Variants in MAPKBP1 observed in about 807,000 individuals in gnomAD.
MAPKBP1 encodes the protein mitogen-activated protein kinase-binding protein 1.
MAPKBP1 carries 71 observed loss-of-function variants against 170.5 expected under a neutral mutation model. That is an observed-to-expected ratio of 0.42 (90% confidence interval 0.34 to 0.51). The LOEUF is 0.51. Ranked by LOEUF, MAPKBP1 falls within the 20% of genes least tolerant of loss-of-function variation. The pLI is 0.06. For synonymous variants in MAPKBP1, 719 were observed against 757.9 expected (o/e 0.95, Z 0.84); for missense variants, 1,598 against 1,933.0 (o/e 0.83, Z 3.25).
rs148633878 is a variant in MAPKBP1, at chr15:41,775,297, A to G, written c.22A>G (p.Ile8Val). 6.8e-6 allele frequency: 11 copies of G among 1,613,994 alleles called. No individual in the cohort carries two copies. The highest frequency in any genetic ancestry group is 2.2e-5 in the East Asian group (1 of 44,888). MAVEGST[I>V]TSRIKNLLRS... The stretch of plus-strand genomic sequence containing the variant: ...CATAATGGCTGTGGAAGGGTCAACC[A>G]TTACCAGCCGGATCAAGAATCTGTT... Residue 8 changes from isoleucine to valine, a missense_variant, in exon 2 of 31, where the codon ATT (isoleucine) becomes GTT (valine). Around this residue, in one of 6 missense-constraint regions of MAPKBP1, gnomAD observed 151 missense variants for 191.4 expected, o/e 0.79. Transcript: ENST00000457542.
Position 41,827,698 on chromosome 15 carries a change from C to T in MAPKBP1, c.*2262C>T, listed in dbSNP as rs1402995510. 3 of 156,788 alleles carry T rather than the reference C, an allele frequency of 1.9e-5. No homozygotes were observed. Among genetic ancestry groups the T allele is most frequent in the Non-Finnish European group, 4.2e-5 (3 of 71,068 alleles). 9.7% of individuals were successfully genotyped at this position (156,788 alleles called of 1,614,324 possible). On this transcript the variant is annotated 3_prime_UTR_variant, in exon 31 of 31. Transcript: ENST00000457542. ...CGCCGCCCCACTCCAGATTTGCCCC[C>T]GCCTTGTTTTGAAAGCCCCTTATTT...
chr15:41,816,346 GT>G (rs1221480831), intron 12 of MAPKBP1: 1 of 555,298 alleles, frequency 1.8e-6, no homozygotes, highest in African/African-American at 1.9e-5. Context: ...AAATTTCCTA[GT>G]TTTGATAATT....
chr15:41,808,327 G>A (rs375657855), intron 3 of MAPKBP1, among the ~76,000 whole-genome samples: 27 of 151,198 alleles, frequency 1.8e-4, no homozygotes, highest in East Asian at 1.6e-3. Context: ...GGATGGTCTC[G>A]ATCTCCTGAC....
rs570449554 is a variant in MAPKBP1 at position 41,814,382 on chromosome 15, G to A, written c.981-168G>A. Reference sequence around the variant, plus strand: ...ACCATGGCCCAGCAGCTAGTGCTGGGTCAGGTTCCTGCTGATGGCTAGTAG... The same window carrying A: ...ACCATGGCCCAGCAGCTAGTGCTGGATCAGGTTCCTGCTGATGGCTAGTAG... On this transcript the variant is annotated intron_variant, in intron 9 of 30. Coordinates refer to ENST00000457542, the MANE Select transcript of MAPKBP1 (RefSeq NM_014994.3). 1.5e-3 allele frequency among the ~76,000 whole-genome samples: 221 copies of A among 152,330 alleles called. 2 individuals carry two copies. The highest frequency in any genetic ancestry group is 2.0e-3 in the Non-Finnish European group (138 of 68,040).
Position 41,822,031 on chromosome 15 carries a change from A to G in MAPKBP1, c.2952A>G (p.Ser984=). 6.2e-7 allele frequency: 1 copy of G among 1,609,554 alleles called. No homozygotes were observed. The highest frequency in any genetic ancestry group is 8.5e-7 in the Non-Finnish European group (1 of 1,177,882). The stretch of plus-strand genomic sequence containing the variant: ...GAGTGTACCCAGGCAGCAGGAGCTC[A>G]GAAAAGCACAGCCCTGACAGTGCCT... ...LGRVYPGSRS[S]EKHSPDSACS... Residue 984 remains serine (S), a synonymous_variant, in exon 25 of 31, where the codon TCA becomes TCG. Transcript: ENST00000457542.
chr15:41,774,921 G>C, intron 1 of MAPKBP1: 1 of 463,460 alleles, frequency 2.2e-6, no homozygotes, highest in Non-Finnish European at 3.8e-6. Flanking sequence ...GAGACCAACT[G>C]GGGCCCATCC....
chr15:41,774,790 GC>G (rs1227765327), intron 1 of MAPKBP1, 180 bp downstream of exon 1: 3 of 399,322 alleles, frequency 7.5e-6, no homozygotes, highest in African/African-American at 6.2e-5. Context: ...CCGCGTCCCC[GC>G]CGGCGCTAGC....
At position 41,825,540 on chromosome 15, in the gene MAPKBP1, G is replaced by A; in HGVS notation, c.*104G>A. ...CGGGGCTGCTTGGAGTGGAAAGCAG[G>A]GAGCAGTGTTCAGAGGCAAAGCAGC... is the stretch of plus-strand genomic sequence containing the variant. On this transcript the variant is annotated 3_prime_UTR_variant, in exon 31 of 31. Coordinates refer to ENST00000457542, the MANE Select transcript of MAPKBP1 (RefSeq NM_014994.3). The A allele has an allele frequency of 1.9e-6, 2 of 1,068,628 alleles. No homozygotes were observed. The highest frequency in any genetic ancestry group is 1.6e-5 in the South Asian group (1 of 60,836). The allele number at this position is 1,068,628 out of a possible 1,614,324, so 66.2% of individuals were successfully genotyped here.
At position 41,822,934 on chromosome 15, in the gene MAPKBP1, T is replaced by G. The variant is rs1268900884; in HGVS notation, c.3315-5T>G. 1.3e-6 allele frequency: 2 copies of G among 1,598,858 alleles called. No individual in the cohort carries two copies. Among genetic ancestry groups the G allele is most frequent in the Non-Finnish European group, 1.7e-6 (2 of 1,169,436 alleles). ...TGGGCCTTCTCCCACATGTTCTCCC[T>G]GTAGGGAACCATCCCCATCCTCCTC... On this transcript the variant is annotated splice_region_variant and splice_polypyrimidine_tract_variant and intron_variant, in intron 27 of 30. Transcript: ENST00000457542.
intron 7 of MAPKBP1, 106 bp from the exon 8 acceptor site, chr15:41,812,812 CA>C: frequency 2.1e-6 from 3 of 1,460,464 alleles, no homozygotes; most frequent in Non-Finnish European, 2.7e-6. Flanking sequence ...GGAGTAGGCC[CA>C]AAGAGCAAGG....
intron 22 of MAPKBP1, among the ~76,000 whole-genome samples, chr15:41,819,973 G>C (rs2064966991): frequency 6.6e-6 from 1 of 152,276 alleles, no homozygotes; most frequent in African/African-American, 2.4e-5. Flanking sequence ...AGCTCAAGGT[G>C]GAGAGGACAA....
rs765528665 is a variant in MAPKBP1 at position 41,819,547 on chromosome 15, C to CA, written c.2426-48_2426-47insA. On this transcript the variant is annotated intron_variant, in intron 21 of 30. Coordinates refer to ENST00000457542, the MANE Select transcript of MAPKBP1 (RefSeq NM_014994.3). ...GGGCCAGGGCTCCAGGGTTGGGTGG[C>CA]GGGGGGGGGGCAGGAGACACTTCCT... The CA allele has an allele frequency of 4.6e-4, 563 of 1,235,688 alleles. 10 individuals are homozygous for CA. The highest frequency in any genetic ancestry group is 1.9e-3 in the East Asian group (67 of 35,586). 76.5% of individuals were successfully genotyped at this position (1,235,688 alleles called of 1,614,324 possible). A position where few individuals can be genotyped will look rare whatever the true frequency, so the allele number is the denominator to read the frequency against.
chr15:41,777,291 A>G (rs535844760), intron 2 of MAPKBP1, among the ~76,000 whole-genome samples: 149 of 151,598 alleles, frequency 9.8e-4, no homozygotes, highest in African/African-American at 3.4e-3. Flanking sequence ...CAGTGAGCTC[A>G]GATCCTGCCA....
chr15:41,786,913 C>G (rs1022876510), intron 2 of MAPKBP1, among the ~76,000 whole-genome samples: 2 of 147,632 alleles, frequency 1.4e-5, no homozygotes, highest in African/African-American at 2.5e-5. Flanking sequence ...TTCCTTTTTT[C>G]TTTGACATTG....
At position 41,825,478 on chromosome 15, in the gene MAPKBP1, T is replaced by C. The variant is rs1383183085; in HGVS notation, c.*42T>C. The C allele has an allele frequency of 2.0e-6, 3 of 1,511,882 alleles. No homozygotes were observed. The highest frequency in any genetic ancestry group is 2.7e-6 in the Non-Finnish European group (3 of 1,116,004). The allele number at this position is 1,511,882 out of a possible 1,614,324, so 93.7% of individuals were successfully genotyped here. A position where few individuals can be genotyped will look rare whatever the true frequency, so the allele number is the denominator to read the frequency against. ...CCAAGTGAATGAATGCTCCAGCGAT[T>C]CCAAACTGCAGCCCCTCTGCCCCTC... On this transcript the variant is annotated 3_prime_UTR_variant, in exon 31 of 31. Coordinates refer to ENST00000457542, the MANE Select transcript of MAPKBP1 (RefSeq NM_014994.3).
Position 41,815,659 on chromosome 15 carries a change from C to T in MAPKBP1, c.1353C>T (p.Thr451=), listed in dbSNP as rs1404715960. 1 of 1,613,990 alleles carries T rather than the reference C, an allele frequency of 6.2e-7. No individual in the cohort carries two copies. The highest frequency in any genetic ancestry group is 8.5e-7 in the Non-Finnish European group (1 of 1,179,936). ...AAATCATCTATGTGGATGGGAACACCCAGGCCCTGCTGGACACAGAGCTGC... is the reference window on the plus strand; with the variant it reads ...AAATCATCTATGTGGATGGGAACACTCAGGCCCTGCTGGACACAGAGCTGC... ...LIKIIYVDGN[T]QALLDTELPG... The change falls in exon 12 of 31, where the codon ACC becomes ACT. Residue 451 remains threonine, a synonymous_variant. Coordinates refer to ENST00000457542, the MANE Select transcript of MAPKBP1 (RefSeq NM_014994.3).
chr15:41,776,080 G>A (rs2064093511), intron 2 of MAPKBP1, among the ~76,000 whole-genome samples: 1 of 152,234 alleles, frequency 6.6e-6, no homozygotes, highest in Admixed American at 6.5e-5. Context: ...TCACTTGTCT[G>A]TGTTTTGGTC....
Position 41,799,854 on chromosome 15 carries a change from T to G in MAPKBP1, c.146T>G (p.Val49Gly), listed in dbSNP as rs1194572781. 1.2e-6 allele frequency: 2 copies of G among 1,614,092 alleles called. No individual in the cohort carries two copies. The highest frequency in any genetic ancestry group is 1.3e-5 in the African/African-American group (1 of 75,030). ...VTLEKVLGITVSGGRGLACDP... is the reference protein window; with the variant it reads ...VTLEKVLGITGSGGRGLACDP... Reference sequence around the variant, plus strand: ...TTGGAGAAGGTGCTGGGAATTACAGTGTCTGGAGGCAGAGGACTTGCCTGT... The same window carrying G: ...TTGGAGAAGGTGCTGGGAATTACAGGGTCTGGAGGCAGAGGACTTGCCTGT... Residue 49 changes from valine (V) to glycine (G), a missense_variant, in exon 3 of 31, where the codon GTG (valine) becomes GGG (glycine). Physicochemically the swap from Val to Gly is moderately radical, Grantham distance 109. This residue lies in a region of MAPKBP1 where 151 missense variants were observed against 191.4 expected (regional missense o/e 0.79). Coordinates refer to ENST00000457542, the MANE Select transcript of MAPKBP1 (RefSeq NM_014994.3).
chr15:41,811,140 C>A, intron 4 of MAPKBP1, 38 bp from the exon 5 acceptor site: 1 of 1,611,274 alleles, frequency 6.2e-7, no homozygotes, highest in Middle Eastern at 1.7e-4. Flanking sequence ...TTAGGCCAGG[C>A]TGCCAGTGCC....
Sources: gnomAD v4.1 joint callset for allele counts (sites outside exome capture counted in the v4.1 genomes callset) on GRCh38, gnomAD v4.1.1 for gene constraint, gnomAD v4.1.1 regional missense constraint, MANE v1.5 for transcripts, NCBI Gene and HGNC (gene_info 2026-07-23, HGNC 2026-07-21) for gene names.